The following TRIM61 variants were observed in gnomAD, a reference collection of about 807,000 sequenced individuals.
TRIM61 encodes putative tripartite motif-containing protein 61.
TRIM61 carries 1 observed loss-of-function variant against 14.2 expected under a neutral mutation model. That is an observed-to-expected ratio of 0.07 (90% CI 0.03 to 0.33). The LOEUF (loss-of-function observed/expected upper bound fraction) is 0.33. TRIM61 is among the 10% of genes least tolerant of loss of function. The probability of loss-of-function intolerance (pLI) is 0.99; values close to 1 mark genes in which losing one functional copy is unlikely to be tolerated. For synonymous variants in TRIM61, 8 were observed against 71.6 expected (o/e 0.11, Z 4.49); for missense variants, 19 against 202.2 (o/e 0.09, Z 5.49).
chr4:164,956,892 G>A (rs1732003586), intron 3 of TRIM61: 4 of 907,960 alleles, frequency 4.4e-6, no homozygotes, highest in East Asian at 2.7e-5. Flanking sequence ...GGGCGAGTCC[G>A]TAGCGGAAGT....
Position 164,970,017 on chromosome 4 carries a change from A to T in TRIM61, c.-15T>A. On this transcript the variant is annotated 5_prime_UTR_variant, in exon 3 of 5. Transcript: ENST00000329314. Reference sequence around the variant, plus strand: ...ACAAATTCCATTGAGACTTGAACAAAGATGGTAGGTAAGGTAATTCTTTTA... The same window carrying T: ...ACAAATTCCATTGAGACTTGAACAATGATGGTAGGTAAGGTAATTCTTTTA... The T allele has an allele frequency of 1.9e-6, 3 of 1,613,784 alleles. No homozygotes were observed. Among genetic ancestry groups the T allele is most frequent in the Non-Finnish European group, 2.5e-6 (3 of 1,179,860 alleles).
intron 3 of TRIM61, chr4:164,957,618 C>A: frequency 9.1e-7 from 1 of 1,097,908 alleles, no homozygotes; most frequent in Non-Finnish European, 1.3e-6. Flanking sequence ...TACATGAATG[C>A]TACCGAAGAT....
In TRIM61 at chr4:164,973,240, G is replaced by A. The variant is rs546666305; in HGVS notation, c.-337-2901C>T. Among the ~76,000 whole-genome samples, 39 of 152,280 alleles carry A rather than the reference G, an allele frequency of 2.6e-4. No individual in the cohort carries two copies. The East Asian group carries it at 6.9e-3, about 27-fold the overall frequency. On this transcript the variant is annotated intron_variant, in intron 2 of 4. Coordinates refer to ENST00000329314, the MANE Select transcript of TRIM61 (RefSeq NM_001012414.3). Reference sequence around the variant, plus strand: ...TTAGGAGCTATTATCCTCAATTAGAGCTATAAAAGCCTAGAGCTGTAAAAG... The same window carrying A: ...TTAGGAGCTATTATCCTCAATTAGAACTATAAAAGCCTAGAGCTGTAAAAG...
In TRIM61 at chr4:164,956,860, G is replaced by A. The variant is rs530346653; in HGVS notation, c.526-1764C>T. 3.9e-5 allele frequency: 27 copies of A among 701,002 alleles called. No homozygotes were observed. In the South Asian group the frequency reaches 3.9e-4, roughly 10 times the overall value. 43.4% of individuals were successfully genotyped at this position (701,002 alleles called of 1,614,324 possible). On this transcript the variant is annotated intron_variant, in intron 3 of 4. Coordinates refer to ENST00000329314, the MANE Select transcript of TRIM61 (RefSeq NM_001012414.3). ...AAGGGGCTTCAGCACCCCAAGCACTGCAGCGTTTCTCCCAGGAGGCTGGGC... is the reference window on the plus strand; with the variant it reads ...AAGGGGCTTCAGCACCCCAAGCACTACAGCGTTTCTCCCAGGAGGCTGGGC...
chr4:164,977,040 C>T (rs759628361), intron 1 of TRIM61, among the ~76,000 whole-genome samples: 2 of 152,180 alleles, frequency 1.3e-5, no homozygotes, highest in Admixed American at 6.5e-5. Context: ...AGATTCCAAG[C>T]TCTCAGTTTC....
At chr4:164,968,409 A>C in intron 3 of TRIM61, 2 of 984,474 alleles carry the variant, frequency 2.0e-6, no homozygotes, top group Non-Finnish European at 2.4e-6. Context: ...CTTGTCACTG[A>C]CCCCATAATT....
At chr4:164,967,095 C>A (rs1732259463) in intron 3 of TRIM61, among the ~76,000 whole-genome samples, 1 of 152,012 alleles carries the variant, frequency 6.6e-6, no homozygotes, top group East Asian at 1.9e-4. Context: ...GATTAATATT[C>A]AAAAATTAGT....
chr4:164,961,360 C>T (rs1485873757), intron 3 of TRIM61, among the ~76,000 whole-genome samples: 1 of 151,506 alleles, frequency 6.6e-6, no homozygotes, highest in Non-Finnish European at 1.5e-5. Flanking sequence ...TCAATGGGCT[C>T]ATTAGTACCC....
At chr4:164,974,590 G>C (rs1732441575) in intron 2 of TRIM61, among the ~76,000 whole-genome samples, 1 of 151,978 alleles carries the variant, frequency 6.6e-6, no homozygotes, top group African/African-American at 2.4e-5. Flanking sequence ...AGAAAACATA[G>C]AATAATGGCC....
intron 2 of TRIM61, among the ~76,000 whole-genome samples, chr4:164,975,562 T>C (rs979250437): frequency 6.6e-5 from 10 of 152,152 alleles, no homozygotes; most frequent in Non-Finnish European, 1.3e-4. Flanking sequence ...AAAATCAAGG[T>C]TTAAGGGATC....
At chr4:164,967,742 G>A (rs1444404503) in intron 3 of TRIM61, among the ~76,000 whole-genome samples, 1 of 152,074 alleles carries the variant, frequency 6.6e-6, no homozygotes, top group Non-Finnish European at 1.5e-5. Flanking sequence ...GTTCATGCCT[G>A]TAACCCCAGT....
chr4:164,965,521 C>T (rs1376594005), intron 3 of TRIM61, among the ~76,000 whole-genome samples: 26 of 147,468 alleles, frequency 1.8e-4, no homozygotes, highest in African/African-American at 6.5e-4. Flanking sequence ...GCACCTTCTG[C>T]CTCCTGGGTT....
At chr4:164,976,464 A>T (rs975511716) in intron 2 of TRIM61, among the ~76,000 whole-genome samples, 2 of 152,170 alleles carry the variant, frequency 1.3e-5, no homozygotes, top group African/African-American at 4.8e-5. Context: ...CTTCTCTACT[A>T]TTTAAAATCA....
In TRIM61 at chr4:164,974,419, C is replaced by T. The variant is rs987167223; in HGVS notation, c.-338+2269G>A. 1.2e-4 allele frequency among the ~76,000 whole-genome samples: 18 copies of T among 152,124 alleles called. 1 individual carries two copies. Among genetic ancestry groups the T allele is most frequent in the Admixed American group, 1.1e-3 (17 of 15,264 alleles). On this transcript the variant is annotated intron_variant, in intron 2 of 4. Coordinates refer to ENST00000329314, the MANE Select transcript of TRIM61 (RefSeq NM_001012414.3). Reference sequence around the variant, plus strand: ...TAACACAATTAACTTCAGATAGAATCGAAAATACAGTATTCCTGGGATGCA... The same window carrying T: ...TAACACAATTAACTTCAGATAGAATTGAAAATACAGTATTCCTGGGATGCA...
chr4:164,975,000 A>T (rs1204137455), intron 2 of TRIM61, among the ~76,000 whole-genome samples: 1 of 152,166 alleles, frequency 6.6e-6, no homozygotes, highest in African/African-American at 2.4e-5. Flanking sequence ...TGGGAGGCCA[A>T]GGCAGGCAGA....
At chr4:164,957,008 C>T in intron 3 of TRIM61, 2 of 1,479,994 alleles carry the variant, frequency 1.4e-6, no homozygotes, top group Non-Finnish European at 1.8e-6. Flanking sequence ...GGGGCAGCGC[C>T]ATGTACCACA....
At chr4:164,974,331 T>C (rs1356189242) in intron 2 of TRIM61, among the ~76,000 whole-genome samples, 2 of 152,252 alleles carry the variant, frequency 1.3e-5, no homozygotes, top group Admixed American at 1.3e-4. Flanking sequence ...ACAGAAGTTT[T>C]AGAATTTTAA....
intron 3 of TRIM61, among the ~76,000 whole-genome samples, chr4:164,967,406 G>C (rs1365129585): frequency 1.3e-5 from 2 of 152,152 alleles, no homozygotes; most frequent in Non-Finnish European, 2.9e-5. Context: ...GTTAATTCCT[G>C]AATTAACAGA....
chr4:164,975,103 C>T lies in TRIM61; in HGVS notation c.-338+1585G>A, dbSNP rs533572192. On this transcript the variant is annotated intron_variant, in intron 2 of 4. Transcript: ENST00000329314. ...CAAAAATTAGCCGGGCATGGTGGCG[C>T]GCCTGTAGTCCCAGCTACTTGGGAA... Among the ~76,000 whole-genome samples the T allele has an allele frequency of 3.9e-5, 6 of 152,016 alleles. No individual in the cohort carries two copies. The South Asian group carries it at 6.3e-4, about 16-fold the overall frequency.
Sources: allele counts gnomAD v4.1 joint callset (sites outside exome capture counted in the v4.1 genomes callset), GRCh38; gene constraint gnomAD v4.1.1; transcripts MANE v1.5; gene names NCBI Gene and HGNC (gene_info 2026-07-23, HGNC 2026-07-21).